Variants in ASTN2 observed in about 807,000 individuals in gnomAD.
The protein encoded by ASTN2 is astrotactin 2, also known as astrotactin-2.
In ASTN2, 54 loss-of-function variants were observed where a neutral mutation model predicts 139.8. The observed-to-expected ratio is 0.39, with a 90% CI of 0.31 to 0.48. The LOEUF (loss-of-function observed/expected upper bound fraction) is 0.48. Ranked by LOEUF, ASTN2 falls within the 20% of genes least tolerant of loss-of-function variation. The pLI is 0.95. For missense variants in ASTN2, 1,565 were observed against 1,725.1 expected (o/e 0.91, Z 1.64); for synonymous variants, 756 against 719.5 (o/e 1.05, Z -0.81).
At chr9:116,480,170 A>G (rs1849122250) in intron 20 of ASTN2, among the ~76,000 whole-genome samples, 1 of 151,686 alleles carries the variant, frequency 6.6e-6, no homozygotes, top group Admixed American at 6.6e-5. Flanking sequence ...GGAAGGAAGG[A>G]AGGGAGGAAG....
intron 3 of ASTN2, among the ~76,000 whole-genome samples, chr9:117,154,338 A>T (rs1048887365): frequency 6.6e-6 from 1 of 151,952 alleles, no homozygotes; most frequent in Non-Finnish European, 1.5e-5. Context: ...TTCATTATTC[A>T]TGATTACATG....
rs1320746811 is a variant in ASTN2, at chr9:116,597,311, T to G, written c.3355+21013A>C. ...TGACTTTTGATCTATTTTTTTTTTT[T>G]TTTTTTTTTTTTGGAGATAAGAGTT... On this transcript the variant is annotated intron_variant, in intron 19 of 22. Coordinates refer to ENST00000313400, the MANE Select transcript of ASTN2 (RefSeq NM_001365068.1). Among the ~76,000 whole-genome samples, 3 of 142,404 alleles carry G rather than the reference T, an allele frequency of 2.1e-5. 1 individual carries two copies. The Admixed American group carries it at 2.1e-4, about 10-fold the overall frequency. The allele number at this position is 142,404 out of a possible 152,430, so 93.4% of individuals were successfully genotyped here. A position where few individuals can be genotyped will look rare whatever the true frequency, so the allele number is the denominator to read the frequency against.
chr9:116,425,558 C>T lies in ASTN2; in HGVS notation c.*293G>A. Reference sequence around the variant, plus strand: ...TTGGTCTCCACCTGAAAACTTCTGCCTCGGGATTGACAGCCATCCATAAGA... The same window carrying T: ...TTGGTCTCCACCTGAAAACTTCTGCTTCGGGATTGACAGCCATCCATAAGA... On this transcript the variant is annotated 3_prime_UTR_variant, in exon 23 of 23. Transcript: ENST00000313400. The T allele has an allele frequency of 6.2e-7, 1 of 1,612,912 alleles. No homozygotes were observed. Among genetic ancestry groups the T allele is most frequent in the Non-Finnish European group, 8.5e-7 (1 of 1,179,656 alleles).
intron 1 of ASTN2, among the ~76,000 whole-genome samples, chr9:117,315,185 G>A (rs1828104991): frequency 6.6e-6 from 1 of 152,016 alleles, no homozygotes; most frequent in Non-Finnish European, 1.5e-5. Flanking sequence ...AGCACTTCCA[G>A]ATGTTTCATG....
At chr9:116,583,158 G>C (rs2131716166) in intron 19 of ASTN2, 1 of 152,304 alleles carries the variant, frequency 6.6e-6, no homozygotes, top group East Asian at 1.9e-4. Flanking sequence ...TAGTCATGCA[G>C]TTCTCCTTGG....
intron 11 of ASTN2, among the ~76,000 whole-genome samples, chr9:116,854,543 G>A (rs1047628027): frequency 6.6e-6 from 1 of 152,152 alleles, no homozygotes; most frequent in Admixed American, 6.5e-5. Flanking sequence ...GGATGGTAGT[G>A]GGAGATGGTA....
In ASTN2 at chr9:116,425,641, AAGAT is replaced by A. The variant is rs773866930; in HGVS notation, c.*206_*209del. The A allele has an allele frequency of 1.8e-5, 29 of 1,611,938 alleles. No individual in the cohort carries two copies. Among genetic ancestry groups the A allele is most frequent in the South Asian group, 1.5e-4 (14 of 90,628 alleles). On this transcript the variant is annotated 3_prime_UTR_variant, in exon 23 of 23. Coordinates refer to ENST00000313400, the MANE Select transcript of ASTN2 (RefSeq NM_001365068.1). ...TCAAATAATATCTTTGAAAAAATAA[AAGAT>A]AGAGAAAAATGAATAATTCCATTGG... is the stretch of plus-strand genomic sequence containing the variant.
At chr9:117,022,290 C>G (rs2132617221) in intron 6 of ASTN2, among the ~76,000 whole-genome samples, 1 of 152,164 alleles carries the variant, frequency 6.6e-6, no homozygotes, top group East Asian at 1.9e-4. Context: ...CTTCAGCCAG[C>G]AAGACTCAGA....
intron 2 of ASTN2, among the ~76,000 whole-genome samples, chr9:117,256,361 A>T (rs1029826562): frequency 6.6e-6 from 1 of 152,210 alleles, no homozygotes; most frequent in African/African-American, 2.4e-5. Flanking sequence ...CTGAGGGTGG[A>T]CAGAGAATAA....
intron 10 of ASTN2, among the ~76,000 whole-genome samples, chr9:116,961,490 C>T (rs1249894825): frequency 1.3e-5 from 2 of 152,180 alleles, no homozygotes; most frequent in Admixed American, 6.5e-5. Context: ...TTGTGCCTGG[C>T]TTATTTCCCT....
chr9:116,921,956 T>C (rs1378867568), intron 10 of ASTN2, among the ~76,000 whole-genome samples: 1 of 152,132 alleles, frequency 6.6e-6, no homozygotes, highest in Non-Finnish European at 1.5e-5. Flanking sequence ...GGGCCCCACA[T>C]CCAGCTCTGG....
chr9:117,099,753 G>A (rs1301423670), intron 4 of ASTN2, among the ~76,000 whole-genome samples: 7 of 152,146 alleles, frequency 4.6e-5, no homozygotes, highest in Non-Finnish European at 8.8e-5. Flanking sequence ...ACAGTGGCGG[G>A]TAAATCTATT....
chr9:117,270,137 G>A (rs1178601296), intron 2 of ASTN2, among the ~76,000 whole-genome samples: 3 of 151,970 alleles, frequency 2.0e-5, no homozygotes, highest in Non-Finnish European at 2.9e-5. Context: ...TTCATCTCTG[G>A]GTATTAGTTT....
chr9:116,783,292 T>TCCCTCCCTC (rs1830270792), intron 13 of ASTN2, among the ~76,000 whole-genome samples: 1 of 18,024 alleles, frequency 5.5e-5, no homozygotes, highest in African/African-American at 2.8e-4. Context: ...CTTCCTTCCT[T>TCCCTCCCTC]CCTTCCTCCC....
At chr9:117,145,716 C>A (rs186951245) in intron 3 of ASTN2, among the ~76,000 whole-genome samples, 1 of 152,272 alleles carries the variant, frequency 6.6e-6, no homozygotes, top group East Asian at 1.9e-4. Context: ...TTTGCCTACA[C>A]CTCTATAAAT....
intron 3 of ASTN2, among the ~76,000 whole-genome samples, chr9:117,183,496 C>T (rs1405260595): frequency 6.6e-6 from 1 of 152,156 alleles, no homozygotes; most frequent in Non-Finnish European, 1.5e-5. Context: ...TACAACAACT[C>T]GGGTATCCAC....
chr9:117,273,323 C>G (rs1460431208), intron 2 of ASTN2, among the ~76,000 whole-genome samples: 2 of 152,166 alleles, frequency 1.3e-5, no homozygotes, highest in Admixed American at 6.5e-5. Flanking sequence ...AGATACAATT[C>G]AAGTTGAGAT....
At chr9:116,838,492 C>T (rs1279183624) in intron 11 of ASTN2, among the ~76,000 whole-genome samples, 1 of 152,000 alleles carries the variant, frequency 6.6e-6, no homozygotes, top group Non-Finnish European at 1.5e-5. Context: ...GGCACGATCT[C>T]GACTCACTGC....
At chr9:117,264,037 G>C (rs948106042) in intron 2 of ASTN2, among the ~76,000 whole-genome samples, 8 of 150,674 alleles carry the variant, frequency 5.3e-5, no homozygotes, top group Admixed American at 4.6e-4. Context: ...CTTATGACCT[G>C]GTCTCAAAAT....
Sources: allele counts gnomAD v4.1 joint callset (sites outside exome capture counted in the v4.1 genomes callset), GRCh38; gene constraint gnomAD v4.1.1; transcripts MANE v1.5; gene names NCBI Gene and HGNC (gene_info 2026-07-23, HGNC 2026-07-21).